Variants in CNDP1 observed in about 807,000 individuals in gnomAD.
CNDP1 encodes the protein beta-Ala-His dipeptidase.
In CNDP1, 44 loss-of-function variants were observed where a neutral mutation model predicts 58.1. The ratio of observed to expected loss-of-function variants is 0.76; its 90% CI spans 0.60 to 0.97. CNDP1 has a LOEUF of 0.97. Ranked by LOEUF, CNDP1 falls within the 50% of genes least tolerant of loss-of-function variation. The pLI is 0.00. For synonymous variants in CNDP1, 254 were observed against 252.6 expected (o/e 1.01, Z -0.05); for missense variants, 616 against 655.1 (o/e 0.94, Z 0.65).
chr18:74,544,265 G>A (rs778949096), intron 1 of CNDP1, among the ~76,000 whole-genome samples: 4 of 152,030 alleles, frequency 2.6e-5, no homozygotes, highest in African/African-American at 7.2e-5. Context: ...AAATAAATAC[G>A]TAAAAATAAA....
intron 2 of CNDP1, among the ~76,000 whole-genome samples, chr18:74,558,955 T>A (rs1197602189): frequency 6.6e-6 from 1 of 152,132 alleles, no homozygotes; most frequent in Non-Finnish European, 1.5e-5. Flanking sequence ...CCAGGAGTCC[T>A]GGAGAAAGCT....
intron 9 of CNDP1, among the ~76,000 whole-genome samples, chr18:74,579,227 T>TCCCTC (rs1981723439): frequency 9.4e-6 from 1 of 105,938 alleles, no homozygotes; most frequent in African/African-American, 3.6e-5. Context: ...TCCCTTCCCT[T>TCCCTC]CCCTCACCTC....
In CNDP1 at chr18:74,542,172, G is replaced by A. The variant is rs550193480; in HGVS notation, c.24+7481G>A. Among the ~76,000 whole-genome samples, 12 of 152,336 alleles carry A rather than the reference G, an allele frequency of 7.9e-5. No homozygotes were observed. The East Asian group carries it at 1.2e-3, about 15-fold the overall frequency. On this transcript the variant is annotated intron_variant, in intron 1 of 11. Transcript: ENST00000358821. The stretch of plus-strand genomic sequence containing the variant: ...CTTGTACTGCAGGCCAGAGGTGTGC[G>A]CAGGAGCACTGCCCTGGGGCCATCC...
rs185154895 is a variant in CNDP1 at position 74,550,646 on chromosome 18, G to A, written c.25-5692G>A. 7.4e-5 allele frequency among the ~76,000 whole-genome samples: 11 copies of A among 149,474 alleles called. No individual in the cohort carries two copies. In the East Asian group the frequency reaches 2.0e-3, roughly 27 times the overall value. On this transcript the variant is annotated intron_variant, in intron 1 of 11. Transcript: ENST00000358821. Reference sequence around the variant, plus strand: ...GGCTGGAGTGCAGTGGTGTGATCTCGGCTCACTACAAGCTCTGCCTCCTGG... The same window carrying A: ...GGCTGGAGTGCAGTGGTGTGATCTCAGCTCACTACAAGCTCTGCCTCCTGG...
At chr18:74,578,077 C>T (rs1981677613) in intron 8 of CNDP1, 86 bp from the exon 9 acceptor site, 2 of 1,237,222 alleles carry the variant, frequency 1.6e-6, no homozygotes, top group East Asian at 4.7e-5. Context: ...AATGGTGTCT[C>T]AGAGAGGCAG....
intron 1 of CNDP1, among the ~76,000 whole-genome samples, chr18:74,543,329 CA>C (rs898869982): frequency 1.4e-4 from 21 of 151,582 alleles, no homozygotes; most frequent in African/African-American, 5.1e-4. Flanking sequence ...CCTGTTTCTA[CA>C]AAAAATACAA....
rs2144583588 is a variant in CNDP1 at position 74,584,757 on chromosome 18, G to T, written c.*195G>T. The T allele has an allele frequency of 1.8e-6, 1 of 556,370 alleles. No individual in the cohort carries two copies. Among genetic ancestry groups the T allele is most frequent in the South Asian group, 2.4e-5 (1 of 41,718 alleles). The allele number at this position is 556,370 out of a possible 1,614,324, so 34.5% of individuals were successfully genotyped here. A position where few individuals can be genotyped will look rare whatever the true frequency, so the allele number is the denominator to read the frequency against. On this transcript the variant is annotated 3_prime_UTR_variant, in exon 12 of 12. Coordinates refer to ENST00000358821, the MANE Select transcript of CNDP1 (RefSeq NM_032649.6). ...GCACAGATGTTGGAAATGGTTTAAG[G>T]TCCCCCACTGCACACCTTCCTCAAG...
At chr18:74,540,811 AT>A (rs1411777394) in intron 1 of CNDP1, among the ~76,000 whole-genome samples, 3 of 152,206 alleles carry the variant, frequency 2.0e-5, no homozygotes, top group Non-Finnish European at 4.4e-5. Context: ...TGAAGACGCA[AT>A]AAAAATGTAA....
chr18:74,538,186 C>A, intron 1 of CNDP1, among the ~76,000 whole-genome samples: 1 of 152,200 alleles, frequency 6.6e-6, no homozygotes, highest in Non-Finnish European at 1.5e-5. Context: ...TATGACCCTC[C>A]TATTCGCCCC....
At chr18:74,569,338 C>CA (rs1265159626) in intron 6 of CNDP1, among the ~76,000 whole-genome samples, 2 of 152,068 alleles carry the variant, frequency 1.3e-5, no homozygotes, top group African/African-American at 4.8e-5. Flanking sequence ...GAATCAACTT[C>CA]AAAAAAGCCC....
chr18:74,546,766 G>A (rs1477253072), intron 1 of CNDP1, among the ~76,000 whole-genome samples: 12 of 152,306 alleles, frequency 7.9e-5, no homozygotes, highest in South Asian at 4.1e-4. Flanking sequence ...TCTGCTCAGC[G>A]TTCAAGGAGC....
At chr18:74,571,695 A>C (rs1205944911) in intron 7 of CNDP1, among the ~76,000 whole-genome samples, 1 of 152,216 alleles carries the variant, frequency 6.6e-6, no homozygotes, top group Admixed American at 6.5e-5. Context: ...AGATAAATCA[A>C]CAAAGGGATG....
intron 4 of CNDP1, among the ~76,000 whole-genome samples, chr18:74,561,842 G>T (rs1981207427): frequency 6.6e-6 from 1 of 152,086 alleles, no homozygotes; most frequent in African/African-American, 2.4e-5. Flanking sequence ...TGTACTATTT[G>T]TCAGGGAAGA....
chr18:74,545,080 G>A lies in CNDP1; in HGVS notation c.24+10389G>A, dbSNP rs112899866. On this transcript the variant is annotated intron_variant, in intron 1 of 11. Transcript: ENST00000358821. This position sits in a 1 kb window ranked among gnomAD's most constrained non-coding sequence, Gnocchi z 4.1. ...GGACCCTCCCCTAGAGCCTGCAGAC[G>A]GAGCCCAGCCCTGCCAACACGTGAT... 5.6e-3 allele frequency among the ~76,000 whole-genome samples: 852 copies of A among 152,260 alleles called. 5 individuals carry two copies. Among genetic ancestry groups the A allele is most frequent in the Non-Finnish European group, 9.5e-3 (647 of 68,000 alleles).
chr18:74,535,571 C>G (rs748024182), intron 1 of CNDP1, among the ~76,000 whole-genome samples: 63 of 25,412 alleles, frequency 2.5e-3, no homozygotes, highest in Non-Finnish European at 4.7e-3. Context: ...CCATGCTTTC[C>G]ATTGCTGACT....
intron 9 of CNDP1, among the ~76,000 whole-genome samples, chr18:74,579,219 C>G (rs1219242035): frequency 6.1e-5 from 9 of 147,682 alleles, no homozygotes; most frequent in South Asian, 2.2e-4. Flanking sequence ...CCTTCCCTTC[C>G]CTTCCCTTCC....
At chr18:74,563,377 T>C (rs56042934) in intron 5 of CNDP1, among the ~76,000 whole-genome samples, 21,630 of 152,214 alleles carry the variant, frequency 0.14, 2,005 homozygotes, top group Non-Finnish European at 0.2. Flanking sequence ...CTCCCTCTCC[T>C]TCTCTTTCTT....
intron 7 of CNDP1, among the ~76,000 whole-genome samples, chr18:74,573,276 TTCTA>T (rs1266278930): frequency 5.9e-5 from 9 of 151,886 alleles, no homozygotes; most frequent in African/African-American, 2.2e-4. Context: ...TCTATCATCT[TTCTA>T]TCCATCCATC....
intron 1 of CNDP1, among the ~76,000 whole-genome samples, chr18:74,542,202 A>T (rs1375450467): frequency 6.6e-6 from 1 of 152,206 alleles, no homozygotes; most frequent in Non-Finnish European, 1.5e-5. Context: ...CCATCCCAGA[A>T]GCCTTGTCCC....
Sources: gnomAD v4.1 joint callset for allele counts (sites outside exome capture counted in the v4.1 genomes callset) on GRCh38, gnomAD v4.1.1 for gene constraint, Gnocchi (gnomAD v3.1) non-coding constraint, MANE v1.5 for transcripts, NCBI Gene and HGNC (gene_info 2026-07-23, HGNC 2026-07-21) for gene names.